QRICH2: variants seen among roughly 807,000 people sequenced by gnomAD.
QRICH2 encodes the protein glutamine rich 2.
Under a neutral mutation model 168.3 loss-of-function variants are expected in QRICH2, and 119 were observed. That is an observed-to-expected ratio of 0.71 (90% CI 0.61 to 0.82). The LOEUF is 0.82. Ranked by LOEUF, QRICH2 falls within the 40% of genes least tolerant of loss-of-function variation. The pLI, the probability that QRICH2 is intolerant of heterozygous loss-of-function variation, is 0.00. For synonymous variants in QRICH2, 894 were observed against 951.2 expected (o/e 0.94, Z 1.11); for missense variants, 2,241 against 2,491.6 (o/e 0.90, Z 2.14).
chr17:76,292,170 G>C lies in QRICH2; in HGVS notation c.2557C>G (p.Gln853Glu), dbSNP rs1402588480. The C allele has an allele frequency of 3.2e-5, 48 of 1,495,230 alleles. No homozygotes were observed. Among genetic ancestry groups the C allele is most frequent in the Non-Finnish European group, 4.2e-5 (47 of 1,108,386 alleles). The allele number at this position is 1,495,230 out of a possible 1,614,324, so 92.6% of individuals were successfully genotyped here. A position where few individuals can be genotyped will look rare whatever the true frequency, so the allele number is the denominator to read the frequency against. The change falls in exon 4 of 19, where the codon CAA becomes GAA. Residue 853 changes from glutamine (Q) to glutamate (E), a missense_variant. This residue lies in a region of QRICH2 where 2,047 missense variants were observed against 2,303.8 expected (regional missense o/e 0.89). Transcript: ENST00000680821. Reference sequence around the variant, plus strand: ...AAACCACGCTGATCTGCACCAGGTTGGACCAAACCATGCTGAACTGCACCA... The same window carrying C: ...AAACCACGCTGATCTGCACCAGGTTCGACCAAACCATGCTGAACTGCACCA... ...QPGAVQHGLV[Q>E]PGADQRGLVQ...
In QRICH2 at chr17:76,292,994, C is replaced by T. The variant is rs778252403; in HGVS notation, c.1733G>A (p.Arg578His). The change falls in exon 4 of 19, where the codon CGT (arginine) becomes CAT (histidine). Residue 578 changes from arginine to histidine, a missense_variant. Physicochemically the swap from Arg to His is conservative, Grantham distance 29 (BLOSUM62 0). Coordinates refer to ENST00000680821, the MANE Select transcript of QRICH2 (RefSeq NM_001388453.1). ...ATATGCACCACGCTGCACCAAAGCACGCTGAAATCTGCCAGACTGGATCAA... is the reference window on the plus strand; with the variant it reads ...ATATGCACCACGCTGCACCAAAGCATGCTGAAATCTGCCAGACTGGATCAA... ...HDLIQSGRFQ[R>H]ALVQRGAYQP... The T allele has an allele frequency of 6.2e-6, 10 of 1,614,080 alleles. No individual in the cohort carries two copies. Among genetic ancestry groups the T allele is most frequent in the South Asian group, 3.3e-5 (3 of 91,086 alleles).
At chr17:76,298,694 C>A (rs985935133) in intron 3 of QRICH2, among the ~76,000 whole-genome samples, 1 of 151,994 alleles carries the variant, frequency 6.6e-6, no homozygotes, top group Non-Finnish European at 1.5e-5. Flanking sequence ...CGGCTCACTG[C>A]AACCTCTGCC....
rs1295578332 is a variant in QRICH2, at chr17:76,307,570, G to A, written c.429C>T (p.Ala143=). 2.5e-6 allele frequency: 4 copies of A among 1,576,404 alleles called. No individual in the cohort carries two copies. The highest frequency in any genetic ancestry group is 1.4e-5 in the African/African-American group (1 of 73,776). The stretch of plus-strand genomic sequence containing the variant: ...CCTGCTCCTCCGGCCACTCTAGCGC[G>A]GCCAGGTCAAGCCCGCTGGCCTGGG... ...HFSQASGLDL[A]ALEWPEEQEV... is the part of the protein sequence containing the mutation. Residue 143 remains alanine, a synonymous_variant, in exon 1 of 19, where the codon GCC becomes GCT. Transcript: ENST00000680821. This position sits in a 1 kb window ranked among gnomAD's most constrained non-coding sequence, Gnocchi z 5.3.
intron 3 of QRICH2, among the ~76,000 whole-genome samples, chr17:76,301,870 TTTTGTGTGTGTGTG>T (rs1567789124): frequency 9.5e-6 from 1 of 105,188 alleles, no homozygotes; most frequent in African/African-American, 3.6e-5. Flanking sequence ...ACCTGGCTAA[TTTTGTGTGTGTGTG>T]TGTGTGTGTG....
chr17:76,284,959 A>ATTTTTTT (rs747101379), intron 7 of QRICH2, among the ~76,000 whole-genome samples: 1 of 143,866 alleles, frequency 7.0e-6, no homozygotes, highest in African/African-American at 2.5e-5. Flanking sequence ...AGTGGCTATA[A>ATTTTTTT]TTTTTTTTTT....
chr17:76,290,053 A>G lies in QRICH2; in HGVS notation c.3737T>C (p.Leu1246Pro). The change falls in exon 5 of 19, where the codon CTG becomes CCG. Residue 1246 changes from leucine (L) to proline (P), a missense_variant. Physicochemically the swap from Leu to Pro is moderately conservative, Grantham distance 98. Transcript: ENST00000680821. ...QMVKRTIPPELQEQLKTVKTL... is the reference protein window; with the variant it reads ...QMVKRTIPPEPQEQLKTVKTL... Reference sequence around the variant, plus strand: ...CTTTACGGTCTTCAGCTGCTCCTGCAGTTCAGGAGGTATGGTCCTTTTGAC... The same window carrying G: ...CTTTACGGTCTTCAGCTGCTCCTGCGGTTCAGGAGGTATGGTCCTTTTGAC... The G allele has an allele frequency of 1.2e-6, 2 of 1,612,172 alleles. No individual in the cohort carries two copies. Among genetic ancestry groups the G allele is most frequent in the South Asian group, 2.2e-5 (2 of 91,030 alleles).
At position 76,307,370 on chromosome 17, in the gene QRICH2, C is replaced by A; in HGVS notation, c.534+95G>T. The A allele has an allele frequency of 7.3e-7, 1 of 1,373,252 alleles. No homozygotes were observed. Among genetic ancestry groups the A allele is most frequent in the Non-Finnish European group, 1.0e-6 (1 of 971,722 alleles). The allele number at this position is 1,373,252 out of a possible 1,614,324, so 85.1% of individuals were successfully genotyped here. On this transcript the variant is annotated intron_variant, in intron 1 of 18. Coordinates refer to ENST00000680821, the MANE Select transcript of QRICH2 (RefSeq NM_001388453.1). This position sits in a 1 kb window ranked among gnomAD's most constrained non-coding sequence, Gnocchi z 5.3. ...TCCCCATCCCCTCCGTCCCCACCAC[C>A]GCTCACCCCTCCAGGGTGGTGGGGA... is the stretch of plus-strand genomic sequence containing the variant.
chr17:76,277,784 ACACT>A (rs1354566214), intron 15 of QRICH2, among the ~76,000 whole-genome samples: 8 of 151,892 alleles, frequency 5.3e-5, no homozygotes, highest in African/African-American at 1.2e-4. Context: ...ACCCTTACAC[ACACT>A]CATACATTGA....
chr17:76,279,359 T>C lies in QRICH2; in HGVS notation c.4814+4A>G. 1 of 1,611,702 alleles carries C rather than the reference T, an allele frequency of 6.2e-7. No homozygotes were observed. Among genetic ancestry groups the C allele is most frequent in the South Asian group, 1.1e-5 (1 of 90,608 alleles). On this transcript the variant is annotated splice_donor_region_variant and intron_variant, in intron 13 of 18. Transcript: ENST00000680821. ...GGCCACGTGCCGGCGGTGTGGGCACTCACTGTCCAGTCACAGGTGTCTCCA... is the reference window on the plus strand; with the variant it reads ...GGCCACGTGCCGGCGGTGTGGGCACCCACTGTCCAGTCACAGGTGTCTCCA...
chr17:76,280,615 C>T lies in QRICH2; in HGVS notation c.4461+39G>A, dbSNP rs764957273. 1.4e-5 allele frequency: 23 copies of T among 1,612,238 alleles called. No homozygotes were observed. The highest frequency in any genetic ancestry group is 1.8e-5 in the Non-Finnish European group (21 of 1,178,478). On this transcript the variant is annotated intron_variant, in intron 10 of 18. Transcript: ENST00000680821. This position sits in a 1 kb window ranked among gnomAD's most constrained non-coding sequence, Gnocchi z 7.4. ...TCTCAAAGAACAGTCAGCGAGACCG[C>T]CCTGGGACACAGCGTGGCTCCTGGG...
In QRICH2 at chr17:76,293,170, G is replaced by A. The variant is rs776021603; in HGVS notation, c.1557C>T (p.Val519=). 22 of 1,614,086 alleles carry A rather than the reference G, an allele frequency of 1.4e-5. No individual in the cohort carries two copies. Among genetic ancestry groups the A allele is most frequent in the Admixed American group, 3.3e-5 (2 of 59,996 alleles). The change falls in exon 4 of 19, where the codon GTC becomes GTT. Residue 519 remains valine, a synonymous_variant. Coordinates refer to ENST00000680821, the MANE Select transcript of QRICH2 (RefSeq NM_001388453.1). The part of the protein sequence containing the change: ...GIDQQGLTLP[V]VDQHGLVLPF... Reference sequence around the variant, plus strand: ...GTAGAACCAGGCCATGTTGATCGACGACAGGCAATGTCAATCCTTGCTGGT... The same window carrying A: ...GTAGAACCAGGCCATGTTGATCGACAACAGGCAATGTCAATCCTTGCTGGT...
Position 76,307,861 on chromosome 17 carries a change from G to C in QRICH2, c.138C>G (p.Thr46=). ...GCGACGAGGGCTGGAAGTCGATCCGGGTATTTTGGAGGTCGAGGTTCTTGA... is the reference window on the plus strand; with the variant it reads ...GCGACGAGGGCTGGAAGTCGATCCGCGTATTTTGGAGGTCGAGGTTCTTGA... ...AMLKNLDLQN[T]RIDFQPSSPE... is the part of the protein sequence containing the mutation. The change falls in exon 1 of 19, where the codon ACC becomes ACG. Residue 46 remains threonine (T), a synonymous_variant. Transcript: ENST00000680821. The surrounding 1 kb of genome is among the most constrained non-coding windows in gnomAD (Gnocchi z 5.3). 7.8e-7 allele frequency: 1 copy of C among 1,275,470 alleles called. No homozygotes were observed. Among genetic ancestry groups the C allele is most frequent in the Non-Finnish European group, 9.9e-7 (1 of 1,013,066 alleles). 79.0% of individuals were successfully genotyped at this position (1,275,470 alleles called of 1,614,324 possible).
intron 13 of QRICH2, 76 bp downstream of exon 13, chr17:76,279,287 G>A: frequency 7.2e-7 from 1 of 1,391,118 alleles, no homozygotes; most frequent in African/African-American, 1.4e-5. Flanking sequence ...AAAGGGAGAG[G>A]ACAGGTGGAC....
rs1474700739 is a variant in QRICH2 at position 76,291,352 on chromosome 17, G to T, written c.3375C>A (p.Gly1125=). The T allele has an allele frequency of 1.2e-6, 2 of 1,614,046 alleles. No individual in the cohort carries two copies. The highest frequency in any genetic ancestry group is 4.5e-5 in the East Asian group (2 of 44,884). The part of the protein sequence containing the change: ...GPGYLSADQH[G]QEGLDPNRTR... The stretch of plus-strand genomic sequence containing the variant: ...TTCTATTTGGATCCAAACCTTCCTG[G>T]CCATGCTGATCAGCACTTAGATACC... Residue 1125 remains glycine (G), a synonymous_variant, in exon 4 of 19, where the codon GGC becomes GGA. Transcript: ENST00000680821.
In QRICH2 at chr17:76,286,836, C is replaced by T. The variant is rs937931009; in HGVS notation, c.4011+356G>A. On this transcript the variant is annotated intron_variant, in intron 7 of 18. Coordinates refer to ENST00000680821, the MANE Select transcript of QRICH2 (RefSeq NM_001388453.1). ...GTTGCAGTGAGCCAAGATGGCGACA[C>T]TGCACTACAGCCTGGATGACGAGAG... Among the ~76,000 whole-genome samples the T allele has an allele frequency of 2.8e-5, 4 of 143,748 alleles. No homozygotes were observed. The Admixed American group carries it at 2.9e-4, about 10-fold the overall frequency. 94.3% of individuals were successfully genotyped at this position (143,748 alleles called of 152,430 possible). A position where few individuals can be genotyped will look rare whatever the true frequency, so the allele number is the denominator to read the frequency against.
intron 7 of QRICH2, 48 bp downstream of exon 7, chr17:76,287,144 C>G: frequency 7.3e-7 from 1 of 1,379,260 alleles, no homozygotes; most frequent in South Asian, 1.2e-5. Context: ...CAAGCCAGCT[C>G]TGAGAAGGGC....
chr17:76,281,043 C>A lies in QRICH2; in HGVS notation c.4264-90G>T. On this transcript the variant is annotated intron_variant, in intron 8 of 18. Coordinates refer to ENST00000680821, the MANE Select transcript of QRICH2 (RefSeq NM_001388453.1). The surrounding 1 kb of genome is among the most constrained non-coding windows in gnomAD (Gnocchi z 4.4). ...AATATTGCTGCCCCAGGTAAGTTGG[C>A]CCTTAAAACATCTGCAAGGCTGGGA... 2 of 1,514,740 alleles carry A rather than the reference C, an allele frequency of 1.3e-6. No individual in the cohort carries two copies. The highest frequency in any genetic ancestry group is 1.8e-6 in the Non-Finnish European group (2 of 1,132,234). The allele number at this position is 1,514,740 out of a possible 1,614,324, so 93.8% of individuals were successfully genotyped here.
rs749646345 is a variant in QRICH2, at chr17:76,292,391, T to C, written c.2336A>G (p.His779Arg). The C allele has an allele frequency of 8.9e-6, 14 of 1,581,668 alleles. No homozygotes were observed. In the African/African-American group the frequency reaches 9.1e-5, roughly 10 times the overall value. Residue 779 changes from histidine (H) to arginine (R), a missense_variant, in exon 4 of 19, where the codon CAT becomes CGT. Around this residue, in one of 3 missense-constraint regions of QRICH2, gnomAD observed 2,047 missense variants for 2,303.8 expected, o/e 0.89. Coordinates refer to ENST00000680821, the MANE Select transcript of QRICH2 (RefSeq NM_001388453.1). ...HGLVQPGVDQ[H>R]GLAQPGEVQR... is the part of the protein sequence containing the mutation. ...AACTTCACCAGGTTGTGCCAAACCA[T>C]GCTGATCCACTCCAGGTTGGACCAA...
intron 14 of QRICH2, 83 bp downstream of exon 14, chr17:76,278,958 C>T (rs1430477860): frequency 2.3e-5 from 27 of 1,152,564 alleles, no homozygotes; most frequent in East Asian, 1.0e-4. Flanking sequence ...CTGGGCCCTC[C>T]GGAGTCATCC....
Sources: gnomAD v4.1 joint callset for allele counts (sites outside exome capture counted in the v4.1 genomes callset) on GRCh38, gnomAD v4.1.1 for gene constraint, gnomAD v4.1.1 regional missense constraint, Gnocchi (gnomAD v3.1) non-coding constraint, MANE v1.5 for transcripts, NCBI Gene and HGNC (gene_info 2026-07-23, HGNC 2026-07-21) for gene names.